The following DNAH11 variants were observed in gnomAD, a reference collection of about 807,000 sequenced individuals.
The protein encoded by DNAH11 is axonemal beta dynein heavy chain 11.
A neutral mutation model predicts 526.0 loss-of-function variants in DNAH11; 442 were observed. The observed-to-expected ratio is 0.84, with a 90% CI of 0.78 to 0.91. The LOEUF (loss-of-function observed/expected upper bound fraction) is 0.91, where lower values mean the gene tolerates loss of function less well. Ranked by LOEUF, DNAH11 falls within the 40% of genes least tolerant of loss-of-function variation. The probability of loss-of-function intolerance (pLI) is 0.00; values close to 1 mark genes in which losing one functional copy is unlikely to be tolerated. For synonymous variants in DNAH11, 2,461 were observed against 1,935.9 expected, an observed-to-expected ratio of 1.27 and a Z score of -7.12; for missense variants, 6,989 against 5,448.7, an observed-to-expected ratio of 1.28 and a Z score of -8.90.
At chr7:21,644,742 T>G (rs140944527) in intron 28 of DNAH11, among the ~76,000 whole-genome samples, 61 of 152,350 alleles carry the variant, frequency 4.0e-4, no homozygotes, top group African/African-American at 1.4e-3. Flanking sequence ...AAGTACAGTG[T>G]AAGAGCAACT....
chr7:21,888,832 G>A (rs569498221), intron 76 of DNAH11, among the ~76,000 whole-genome samples: 2 of 152,078 alleles, frequency 1.3e-5, no homozygotes, highest in African/African-American at 4.8e-5. Flanking sequence ...TGATGTGGAG[G>A]TTCTTTCTGC....
intron 28 of DNAH11, among the ~76,000 whole-genome samples, chr7:21,653,393 G>A (rs937759904): frequency 6.6e-6 from 1 of 152,142 alleles, no homozygotes; most frequent in Non-Finnish European, 1.5e-5. Flanking sequence ...ACTATGCCAT[G>A]TATAAGAAAT....
chr7:21,552,841 A>G (rs1024629116), intron 2 of DNAH11, among the ~76,000 whole-genome samples: 3 of 152,162 alleles, frequency 2.0e-5, no homozygotes, highest in Non-Finnish European at 4.4e-5. Flanking sequence ...ACTTATGTTC[A>G]TAGGGTATCT....
At chr7:21,712,041 C>G (rs147655986) in intron 42 of DNAH11, among the ~76,000 whole-genome samples, 181 bp downstream of exon 42, 250 of 152,294 alleles carry the variant, frequency 1.6e-3, no homozygotes, top group African/African-American at 5.5e-3. Context: ...ACCTCATTCT[C>G]CCCTCCTCCC....
chr7:21,571,318 T>C (rs1783879676), intron 7 of DNAH11, among the ~76,000 whole-genome samples: 1 of 152,214 alleles, frequency 6.6e-6, no homozygotes, highest in Admixed American at 6.5e-5. Context: ...TCTCATTCTG[T>C]CACCCCGGCT....
chr7:21,629,399 G>T (rs971001816), intron 25 of DNAH11, among the ~76,000 whole-genome samples: 4 of 152,232 alleles, frequency 2.6e-5, no homozygotes, highest in African/African-American at 9.6e-5. Flanking sequence ...AAAATGTTCT[G>T]TGTCAGTCAG....
chr7:21,643,715 C>T (rs2128461551), intron 28 of DNAH11, among the ~76,000 whole-genome samples: 1 of 152,196 alleles, frequency 6.6e-6, no homozygotes, highest in East Asian at 1.9e-4. Context: ...GTATGAAACG[C>T]AAATACAGAT....
chr7:21,650,254 ATAT>A (rs1385504922), intron 28 of DNAH11, among the ~76,000 whole-genome samples: 4 of 152,232 alleles, frequency 2.6e-5, no homozygotes, highest in Non-Finnish European at 5.9e-5. Flanking sequence ...AAATTACAAA[ATAT>A]TATACTGTGA....
chr7:21,720,041 C>G (rs1037809498), intron 43 of DNAH11, among the ~76,000 whole-genome samples: 2 of 152,220 alleles, frequency 1.3e-5, no homozygotes, highest in Non-Finnish European at 2.9e-5. Flanking sequence ...TGAGGACCGC[C>G]CAGCACGTTG....
intron 55 of DNAH11, among the ~76,000 whole-genome samples, chr7:21,772,838 G>A (rs1225906981): frequency 1.3e-5 from 2 of 152,078 alleles, no homozygotes; most frequent in Non-Finnish European, 2.9e-5. Context: ...AGAATTGGCT[G>A]GTCTCTCTTC....
intron 26 of DNAH11, among the ~76,000 whole-genome samples, chr7:21,637,001 G>A (rs1786893773): frequency 6.6e-6 from 1 of 152,112 alleles, no homozygotes; most frequent in Non-Finnish European, 1.5e-5. Flanking sequence ...TAGCAAAGGA[G>A]AGTGACTATT....
At chr7:21,638,818 C>G in intron 27 of DNAH11, 121 bp from the exon 28 acceptor site, 2 of 1,173,358 alleles carry the variant, frequency 1.7e-6, no homozygotes, top group Non-Finnish European at 2.4e-6. Flanking sequence ...AGGAAGTAAG[C>G]TACCTGTTAA....
intron 25 of DNAH11, among the ~76,000 whole-genome samples, chr7:21,625,267 G>T (rs1211843320): frequency 6.6e-6 from 1 of 151,920 alleles, no homozygotes; most frequent in Admixed American, 6.6e-5. Flanking sequence ...TAGGTTGTAT[G>T]TTTCTAGGAA....
chr7:21,658,603 T>C (rs1020146377), intron 29 of DNAH11, among the ~76,000 whole-genome samples, 195 bp from the exon 30 acceptor site: 1 of 151,968 alleles, frequency 6.6e-6, no homozygotes, highest in African/African-American at 2.4e-5. Flanking sequence ...AGAAGGCGGG[T>C]TCCTGCAGGA....
At position 21,604,827 on chromosome 7, in the gene DNAH11, ACTTAGGTTCCATGGAATGGAATT is replaced by A. The variant is rs550007221; in HGVS notation, c.3649-1598_3649-1576del. Among the ~76,000 whole-genome samples, 18 of 152,246 alleles carry A rather than the reference ACTTAGGTTCCATGGAATGGAATT, an allele frequency of 1.2e-4. No individual in the cohort carries two copies. The South Asian group carries it at 3.7e-3, about 32-fold the overall frequency. Reference sequence around the variant, plus strand: ...TGGCCTCCGAGGGACTCCATGGAATACTTAGGTTCCATGGAATGGAATTGGAAATGCAAAGTGAGACTCTGTCT... The same window carrying A: ...TGGCCTCCGAGGGACTCCATGGAATAGGAAATGCAAAGTGAGACTCTGTCT... On this transcript the variant is annotated intron_variant, in intron 18 of 81. Coordinates refer to ENST00000409508, the MANE Select transcript of DNAH11 (RefSeq NM_001277115.2).
At chr7:21,825,414 A>G (rs937500397) in intron 65 of DNAH11, among the ~76,000 whole-genome samples, 23 of 152,216 alleles carry the variant, frequency 1.5e-4, no homozygotes, top group African/African-American at 5.3e-4. Flanking sequence ...GAACTTATGC[A>G]CAATCAACTT....
intron 45 of DNAH11, among the ~76,000 whole-genome samples, chr7:21,727,526 GTTTC>G (rs904495703): frequency 3.9e-5 from 6 of 152,160 alleles, no homozygotes; most frequent in Admixed American, 1.3e-4. Context: ...TTTCTTCACT[GTTTC>G]TTTTCATAGA....
chr7:21,875,780 C>T (rs1270721292), intron 74 of DNAH11, among the ~76,000 whole-genome samples: 1 of 151,966 alleles, frequency 6.6e-6, no homozygotes, highest in Non-Finnish European at 1.5e-5. Flanking sequence ...TTTCATGAAC[C>T]TGTCAATTCT....
intron 20 of DNAH11, among the ~76,000 whole-genome samples, chr7:21,610,114 C>T (rs866152516): frequency 6.6e-6 from 1 of 152,052 alleles, no homozygotes; most frequent in Admixed American, 6.5e-5. Flanking sequence ...ATTAGCCGGG[C>T]GTGGTGGCAG....
Sources: allele counts gnomAD v4.1 joint callset (sites outside exome capture counted in the v4.1 genomes callset), GRCh38; gene constraint gnomAD v4.1.1; transcripts MANE v1.5; gene names NCBI Gene and HGNC (gene_info 2026-07-23, HGNC 2026-07-21).